RYR1: variants seen among roughly 807,000 people sequenced by gnomAD.
RYR1 encodes the protein ryanodine receptor 1.
Under a neutral mutation model 583.5 loss-of-function variants are expected in RYR1, and 342 were observed. That is an observed-to-expected ratio of 0.59 (90% CI 0.54 to 0.64). The LOEUF is 0.64. RYR1 is among the 30% of genes least tolerant of loss of function. The probability of loss-of-function intolerance (pLI) is 0.00; values close to 1 mark genes in which losing one functional copy is unlikely to be tolerated. For missense variants in RYR1, 6,032 were observed against 6,917.2 expected (o/e 0.87, Z 4.54); for synonymous variants, 2,791 against 2,822.5 (o/e 0.99, Z 0.35).
chr19:38,496,995 A>G lies in RYR1; in HGVS notation c.6891+41A>G. On this transcript the variant is annotated intron_variant, in intron 42 of 105. Transcript: ENST00000359596. This position sits in a 1 kb window ranked among gnomAD's most constrained non-coding sequence, Gnocchi z 4.8. ...CTGGGCCCCAGGCCTAAGGGAGGAA[A>G]TCGGGCCGCTACCCGGCTGCTTGGG... is the stretch of plus-strand genomic sequence containing the variant. The G allele has an allele frequency of 1.3e-6, 2 of 1,555,342 alleles. No homozygotes were observed. The highest frequency in any genetic ancestry group is 2.2e-5 in the East Asian group (1 of 44,594).
chr19:38,570,264 C>T (rs1487910197), intron 93 of RYR1, among the ~76,000 whole-genome samples: 5 of 151,986 alleles, frequency 3.3e-5, no homozygotes, highest in Non-Finnish European at 5.9e-5. Flanking sequence ...TCAGCCTGGC[C>T]AATATGGTGA....
intron 92 of RYR1, among the ~76,000 whole-genome samples, chr19:38,567,339 A>T (rs765456555): frequency 1.6e-4 from 25 of 152,238 alleles, no homozygotes; most frequent in Middle Eastern, 3.4e-3. Context: ...AAAGAAAAAA[A>T]AATATGGAGA....
intron 63 of RYR1, among the ~76,000 whole-genome samples, chr19:38,513,508 C>T (rs900893374): frequency 5.9e-5 from 9 of 152,096 alleles, no homozygotes; most frequent in Non-Finnish European, 1.2e-4. Context: ...AAAGTAGCAC[C>T]TGGATAGGGT....
At chr19:38,433,935 C>G in intron 1 of RYR1, 61 bp downstream of exon 1, 2 of 1,449,176 alleles carry the variant, frequency 1.4e-6, no homozygotes, top group Non-Finnish European at 1.9e-6. Context: ...GAGGGTCTCT[C>G]TGTCTCTGAA....
intron 70 of RYR1, among the ~76,000 whole-genome samples, chr19:38,524,248 G>A (rs1488438562): frequency 2.0e-5 from 3 of 150,824 alleles, no homozygotes; most frequent in African/African-American, 4.9e-5. Context: ...ATCGTGGGCT[G>A]AGGTCAAGGG....
intron 27 of RYR1, among the ~76,000 whole-genome samples, chr19:38,470,604 G>A (rs28465366): frequency 0.036 from 5,552 of 152,170 alleles, 323 homozygotes; most frequent in African/African-American, 0.13. Context: ...AATTAATGGC[G>A]TGGTGGCGGG....
intron 88 of RYR1, 101 bp from the exon 89 acceptor site, chr19:38,548,132 C>T (rs1458670087): frequency 3.0e-6 from 4 of 1,313,328 alleles, no homozygotes; most frequent in East Asian, 2.4e-5. Context: ...GCCAGGGACA[C>T]TCCAGCAGCG....
intron 71 of RYR1, among the ~76,000 whole-genome samples, chr19:38,526,271 G>A (rs150105259): frequency 6.6e-6 from 1 of 151,902 alleles, no homozygotes; most frequent in East Asian, 1.9e-4. Context: ...CCTCCTCTCC[G>A]ATCCTTTCCA....
rs150442096 is a variant in RYR1, at chr19:38,466,215, C to A, written c.2995C>A (p.Arg999Ser). Reference sequence around the variant, plus strand: ...TGGGCACAACGTGTGGGCCCGAGACCGCGTGGGCCAGGGCTGGAGCTACAG... The same window carrying A: ...TGGGCACAACGTGTGGGCCCGAGACAGCGTGGGCCAGGGCTGGAGCTACAG... ...ENGHNVWARD[R>S]VGQGWSYSAV... Residue 999 changes from arginine (R) to serine (S), a missense_variant, in exon 24 of 106, where the codon CGC becomes AGC. By Grantham distance (110) the Arg-to-Ser change is moderately radical. Coordinates refer to ENST00000359596, the MANE Select transcript of RYR1 (RefSeq NM_000540.3). The A allele has an allele frequency of 6.2e-7, 1 of 1,613,470 alleles. No homozygotes were observed. The highest frequency in any genetic ancestry group is 1.1e-5 in the South Asian group (1 of 91,072).
At position 38,506,842 on chromosome 19, in the gene RYR1, C is replaced by A. The variant is rs779643201; in HGVS notation, c.8706C>A (p.His2902Gln). ...TTGCCTCCCCAGGCGGTGGGACCCACCCCCTGCTGGTCCCCTACGACACGC... is the reference window on the plus strand; with the variant it reads ...TTGCCTCCCCAGGCGGTGGGACCCAACCCCTGCTGGTCCCCTACGACACGC... ...QELEAKGGGT[H>Q]PLLVPYDTLT... The change falls in exon 57 of 106, where the codon CAC (histidine) becomes CAA (glutamine). Residue 2902 changes from histidine to glutamine, a missense_variant. By Grantham distance (24) the His-to-Gln change is conservative (BLOSUM62 0). This residue lies in a region of RYR1 where 1,493 missense variants were observed against 1,715.5 expected (regional missense o/e 0.87). Coordinates refer to ENST00000359596, the MANE Select transcript of RYR1 (RefSeq NM_000540.3). 6.2e-7 allele frequency: 1 copy of A among 1,613,784 alleles called. No individual in the cohort carries two copies. The highest frequency in any genetic ancestry group is 1.3e-5 in the African/African-American group (1 of 74,906).
chr19:38,534,693 C>G (rs755674754), intron 78 of RYR1, 27 bp from the exon 79 acceptor site: 6 of 1,601,268 alleles, frequency 3.7e-6, no homozygotes, highest in Non-Finnish European at 5.1e-6. Flanking sequence ...CCTGGACTTG[C>G]CTTCATGTGT....
intron 60 of RYR1, among the ~76,000 whole-genome samples, chr19:38,511,018 G>A (rs1377295740): frequency 6.6e-6 from 1 of 152,198 alleles, no homozygotes; most frequent in African/African-American, 2.4e-5. Flanking sequence ...ACTCAAGGCC[G>A]GGCGTGGTGG....
chr19:38,514,925 G>T, intron 63 of RYR1, 101 bp from the exon 64 acceptor site: 1 of 770,224 alleles, frequency 1.3e-6, no homozygotes, highest in Non-Finnish European at 2.3e-6. Context: ...ACATCTGCTT[G>T]CTCTTCCCCA....
At chr19:38,475,543 C>T in intron 29 of RYR1, 93 bp downstream of exon 29, 7 of 1,497,386 alleles carry the variant, frequency 4.7e-6, no homozygotes, top group Non-Finnish European at 6.4e-6. Context: ...CCAGTAGCTG[C>T]CCACCTTACA....
Position 38,473,726 on chromosome 19 carries a change from C to T in RYR1, c.4115C>T (p.Ala1372Val), listed in dbSNP as rs370966353. 2.4e-4 allele frequency: 366 copies of T among 1,543,788 alleles called. No individual in the cohort carries two copies. The highest frequency in any genetic ancestry group is 5.3e-4 in the Middle Eastern group (3 of 5,704). Reference sequence around the variant, plus strand: ...GGGGGAGAGGCGCAGCCCGCCAGGGCGGAGAATGAGAAGGATGCCACCACC... The same window carrying T: ...GGGGGAGAGGCGCAGCCCGCCAGGGTGGAGAATGAGAAGGATGCCACCACC... Reference protein sequence around the residue: ...QAGGEAQPARAENEKDATTEK... With the variant: ...QAGGEAQPARVENEKDATTEK... Residue 1372 changes from alanine to valine, a missense_variant, in exon 28 of 106, where the codon GCG becomes GTG. Ala to Val is a moderately conservative substitution (Grantham distance 64). Coordinates refer to ENST00000359596, the MANE Select transcript of RYR1 (RefSeq NM_000540.3).
At position 38,490,151 on chromosome 19, in the gene RYR1, C is replaced by G; in HGVS notation, c.5890C>G (p.Arg1964Gly). ...RVESLAAFAERYVDKLQANQR... is the reference protein window; with the variant it reads ...RVESLAAFAEGYVDKLQANQR... ...GGAGTCCCTGGCAGCCTTTGCGGAG[C>G]GCTATGTGGACAAGCTCCAGGCCAA... Residue 1964 changes from arginine to glycine, a missense_variant, in exon 36 of 106, where the codon CGC becomes GGC. Arg to Gly is a moderately radical substitution (Grantham distance 125). Coordinates refer to ENST00000359596, the MANE Select transcript of RYR1 (RefSeq NM_000540.3). The G allele has an allele frequency of 6.2e-7, 1 of 1,614,224 alleles. No individual in the cohort carries two copies. The highest frequency in any genetic ancestry group is 8.5e-7 in the Non-Finnish European group (1 of 1,180,044).
At chr19:38,574,913 G>C (rs1386772413) in intron 96 of RYR1, among the ~76,000 whole-genome samples, 1 of 151,944 alleles carries the variant, frequency 6.6e-6, no homozygotes, top group African/African-American at 2.4e-5. Flanking sequence ...GGCAGTGGGT[G>C]CCTGTAGTCA....
rs771034024 is a variant in RYR1, at chr19:38,517,733, G to A, written c.10018+42G>A. 1.0e-5 allele frequency: 16 copies of A among 1,582,396 alleles called. 1 individual carries two copies. In the South Asian group the frequency reaches 1.8e-4, roughly 18 times the overall value. On this transcript the variant is annotated intron_variant, in intron 66 of 105. Coordinates refer to ENST00000359596, the MANE Select transcript of RYR1 (RefSeq NM_000540.3). ...TGGGCCTCTGAGGGGTGGGTCAGCAGCCTGGGCTCCCTTGGCAGATGGTCT... is the reference window on the plus strand; with the variant it reads ...TGGGCCTCTGAGGGGTGGGTCAGCAACCTGGGCTCCCTTGGCAGATGGTCT...
chr19:38,522,877 T>C, intron 67 of RYR1, 151 bp from the exon 68 acceptor site: 3 of 674,882 alleles, frequency 4.4e-6, no homozygotes, highest in East Asian at 2.7e-5. Flanking sequence ...ATTTTTTTAA[T>C]GTTCATCTGC....
Sources: allele counts gnomAD v4.1 joint callset (sites outside exome capture counted in the v4.1 genomes callset), GRCh38; gene constraint gnomAD v4.1.1; regional missense constraint gnomAD v4.1.1; non-coding constraint Gnocchi (gnomAD v3.1); transcripts MANE v1.5; gene names NCBI Gene and HGNC (gene_info 2026-07-23, HGNC 2026-07-21).